PTPRU: variants seen among roughly 807,000 people sequenced by gnomAD.
The protein encoded by PTPRU is receptor-type tyrosine-protein phosphatase U.
Under a neutral mutation model 166.3 loss-of-function variants are expected in PTPRU, and 69 were observed. The ratio of observed to expected loss-of-function variants is 0.41; its 90% CI spans 0.34 to 0.51. The LOEUF is 0.51. Among genes scored for constraint, PTPRU ranks in the 20% least tolerant of loss-of-function variants. The pLI, the probability that PTPRU is intolerant of heterozygous loss-of-function variation, is 0.09. For synonymous variants in PTPRU, 793 were observed against 814.0 expected, an observed-to-expected ratio of 0.97 and a Z score of 0.44; for missense variants, 1,657 against 2,013.7, an observed-to-expected ratio of 0.82 and a Z score of 3.39.
chr1:29,279,132 G>A lies in PTPRU; in HGVS notation c.1563+11G>A. The A allele has an allele frequency of 6.4e-7, 1 of 1,553,388 alleles. No homozygotes were observed. The highest frequency in any genetic ancestry group is 8.7e-7 in the Non-Finnish European group (1 of 1,145,466). ...ATCACCCAGTATGAGGTGGGTTTGG[G>A]ACCCTATTACAGTGGGGGACCCTGG... On this transcript the variant is annotated intron_variant, in intron 9 of 29. Coordinates refer to ENST00000373779, the MANE Select transcript of PTPRU (RefSeq NM_133178.4). The surrounding 1 kb of genome is among the most constrained non-coding windows in gnomAD (Gnocchi z 5.2).
At chr1:29,314,166 G>T (rs1260674712) in intron 22 of PTPRU, among the ~76,000 whole-genome samples, 2 of 152,158 alleles carry the variant, frequency 1.3e-5, no homozygotes, top group East Asian at 3.8e-4. Flanking sequence ...TAGGCATTTG[G>T]GTTGTTTCCA....
At position 29,258,682 on chromosome 1, in the gene PTPRU, T is replaced by C. The variant is rs1485779400; in HGVS notation, c.383T>C (p.Leu128Pro). ...GVYVRVNGGPLGSAVWNMTGS... is the reference protein window; with the variant it reads ...GVYVRVNGGPPGSAVWNMTGS... ...TACGTGCGCGTTAATGGGGGCCCCC[T>C]GGGCAGTGCTGTGTGGAATATGACT... Residue 128 changes from leucine (L) to proline (P), a missense_variant, in exon 3 of 30, where the codon CTG becomes CCG. Physicochemically the swap from Leu to Pro is moderately conservative, Grantham distance 98 (BLOSUM62 -3). This residue lies in a region of PTPRU where 453 missense variants were observed against 496.9 expected (regional missense o/e 0.91). Coordinates refer to ENST00000373779, the MANE Select transcript of PTPRU (RefSeq NM_133178.4). The C allele has an allele frequency of 6.2e-7, 1 of 1,614,104 alleles. No individual in the cohort carries two copies. Among genetic ancestry groups the C allele is most frequent in the Non-Finnish European group, 8.5e-7 (1 of 1,179,964 alleles).
Position 29,277,803 on chromosome 1 carries a change from C to CTTTTTTTTTTTTTT in PTPRU, c.1454-1189_1454-1176dup, listed in dbSNP as rs71586898. The stretch of plus-strand genomic sequence containing the variant: ...ACCATCTGGCTTCACAGTTGTCATT[C>CTTTTTTTTTTTTTT]TTTTTTTTTTTTTTTTTTTTTTTTT... On this transcript the variant is annotated intron_variant, in intron 8 of 29. Transcript: ENST00000373779. Among the ~76,000 whole-genome samples, 213 of 50,590 alleles carry CTTTTTTTTTTTTTT rather than the reference C, an allele frequency of 4.2e-3. 46 individuals carry two copies. The highest frequency in any genetic ancestry group is 5.7e-3 in the Non-Finnish European group (174 of 30,354). 33.2% of individuals were successfully genotyped at this position (50,590 alleles called of 152,430 possible).
At chr1:29,239,783 C>G (rs193193305) in intron 1 of PTPRU, among the ~76,000 whole-genome samples, 116 of 152,184 alleles carry the variant, frequency 7.6e-4, no homozygotes, top group African/African-American at 2.7e-3. Context: ...TCCTTCTGTC[C>G]GTCCTCAGCT....
In PTPRU at chr1:29,279,532, G is replaced by A. The variant is rs370694990; in HGVS notation, c.1640G>A (p.Arg547His). The A allele has an allele frequency of 9.9e-6, 16 of 1,613,988 alleles. No homozygotes were observed. The highest frequency in any genetic ancestry group is 3.3e-5 in the Admixed American group (2 of 59,986). The change falls in exon 10 of 30, where the codon CGC becomes CAC. Residue 547 changes from arginine to histidine, a missense_variant. Arg to His is a conservative substitution (Grantham distance 29). Coordinates refer to ENST00000373779, the MANE Select transcript of PTPRU (RefSeq NM_133178.4). The surrounding 1 kb of genome is among the most constrained non-coding windows in gnomAD (Gnocchi z 5.2). ...PGPRRTISKLRNETYHVFSNL... is the reference protein window; with the variant it reads ...PGPRRTISKLHNETYHVFSNL... Reference sequence around the variant, plus strand: ...CCACGACGTACCATCTCCAAGCTCCGCAATGAGACCTACCATGTCTTCTCC... The same window carrying A: ...CCACGACGTACCATCTCCAAGCTCCACAATGAGACCTACCATGTCTTCTCC...
In PTPRU at chr1:29,281,682, G is replaced by A. The variant is rs139657263; in HGVS notation, c.1869-994G>A. Among the ~76,000 whole-genome samples the A allele has an allele frequency of 9.5e-4, 145 of 152,324 alleles. 1 individual carries two copies. Among genetic ancestry groups the A allele is most frequent in the African/African-American group, 3.3e-3 (137 of 41,562 alleles). On this transcript the variant is annotated intron_variant, in intron 11 of 29. Coordinates refer to ENST00000373779, the MANE Select transcript of PTPRU (RefSeq NM_133178.4). ...CCTGGGGCAATGGAGGCTGAAAGGG[G>A]CTTGGACTGGTGTTTATAATGGGCT...
chr1:29,250,026 C>T lies in PTPRU; in HGVS notation c.74-5249C>T, dbSNP rs528469331. Reference sequence around the variant, plus strand: ...GCCCTGGACAAACTGTGTTTATTGACCACCTTGCTTTGCTCCCCTGGGTCT... The same window carrying T: ...GCCCTGGACAAACTGTGTTTATTGATCACCTTGCTTTGCTCCCCTGGGTCT... On this transcript the variant is annotated intron_variant, in intron 1 of 29. Transcript: ENST00000373779. Among the ~76,000 whole-genome samples the T allele has an allele frequency of 2.0e-3, 296 of 148,264 alleles. 1 individual carries two copies. Among genetic ancestry groups the T allele is most frequent in the Non-Finnish European group, 3.6e-3 (239 of 67,146 alleles).
rs188982378 is a variant in PTPRU, at chr1:29,311,560, C to T, written c.2955+7C>T. 15 of 1,614,040 alleles carry T rather than the reference C, an allele frequency of 9.3e-6. No individual in the cohort carries two copies. Among genetic ancestry groups the T allele is most frequent in the African/African-American group, 4.0e-5 (3 of 74,926 alleles). The stretch of plus-strand genomic sequence containing the variant: ...GCTGGTCGAGGTGGGCAGGGTAAGC[C>T]GGGCTGTGGGGCGAGCTGGGGCGCA... On this transcript the variant is annotated splice_region_variant and intron_variant, in intron 20 of 29. Coordinates refer to ENST00000373779, the MANE Select transcript of PTPRU (RefSeq NM_133178.4). This position sits in a 1 kb window ranked among gnomAD's most constrained non-coding sequence, Gnocchi z 4.1.
At position 29,320,718 on chromosome 1, in the gene PTPRU, C is replaced by A; in HGVS notation, c.3721C>A (p.Leu1241Met). The change falls in exon 26 of 30, where the codon CTG becomes ATG. Residue 1241 changes from leucine (L) to methionine (M), a missense_variant. Leu to Met is a conservative substitution (Grantham distance 15, BLOSUM62 2). Transcript: ENST00000373779. This position sits in a 1 kb window ranked among gnomAD's most constrained non-coding sequence, Gnocchi z 5.2. ...YTRSAAFIVT[L>M]HPLQSTTPDF... ...ACGGAGTGCGGCCTTCATCGTGACC[C>A]TGCACCCGCTGCAGAGCACCACGCC... The A allele has an allele frequency of 1.2e-6, 2 of 1,606,722 alleles. No homozygotes were observed. Among genetic ancestry groups the A allele is most frequent in the Non-Finnish European group, 8.5e-7 (1 of 1,174,470 alleles).
chr1:29,239,666 C>T (rs552154416), intron 1 of PTPRU, among the ~76,000 whole-genome samples: 5 of 152,186 alleles, frequency 3.3e-5, no homozygotes, highest in Admixed American at 6.5e-5. Flanking sequence ...GCCAGAGTTG[C>T]AGGGGGTACC....
At chr1:29,247,298 G>C (rs1353098644) in intron 1 of PTPRU, among the ~76,000 whole-genome samples, 1 of 152,248 alleles carries the variant, frequency 6.6e-6, no homozygotes, top group Non-Finnish European at 1.5e-5. Context: ...TGCCCATGAT[G>C]GATGTGGCAC....
Position 29,320,868 on chromosome 1 carries a change from G to T in PTPRU, c.3828+43G>T. 1.3e-6 allele frequency: 2 copies of T among 1,501,792 alleles called. No homozygotes were observed. Among genetic ancestry groups the T allele is most frequent in the Non-Finnish European group, 1.8e-6 (2 of 1,117,154 alleles). The allele number at this position is 1,501,792 out of a possible 1,614,324, so 93.0% of individuals were successfully genotyped here. A position where few individuals can be genotyped will look rare whatever the true frequency, so the allele number is the denominator to read the frequency against. ...CAGGCCAATGGGCCGCCTGCTCCCA[G>T]GTCCTCTGTGTATTCAGGGCCATGG... On this transcript the variant is annotated intron_variant, in intron 26 of 29. Transcript: ENST00000373779. This position sits in a 1 kb window ranked among gnomAD's most constrained non-coding sequence, Gnocchi z 5.2.
rs1684963314 is a variant in PTPRU at position 29,259,871 on chromosome 1, G to A, written c.677G>A (p.Arg226Gln). Residue 226 changes from arginine to glutamine, a missense_variant and splice_region_variant, in exon 6 of 30, where the codon CGG becomes CAG. This residue lies in a region of PTPRU where 453 missense variants were observed against 496.9 expected (regional missense o/e 0.91). Transcript: ENST00000373779. ...ACCCCCTCACTCTCTTCCCTGCAGC[G>A]GCAGAGCGGGGCGCTGGTGCCGGCG... Reference protein sequence around the residue: ...AAEAERFLLQRQSGALVPAAG... With the variant: ...AAEAERFLLQQQSGALVPAAG... 2 of 1,529,716 alleles carry A rather than the reference G, an allele frequency of 1.3e-6. No homozygotes were observed. The highest frequency in any genetic ancestry group is 8.7e-7 in the Non-Finnish European group (1 of 1,144,582). 94.8% of individuals were successfully genotyped at this position (1,529,716 alleles called of 1,614,324 possible).
chr1:29,258,972 GC>G (rs995627260), intron 3 of PTPRU, among the ~76,000 whole-genome samples, 196 bp downstream of exon 3: 3 of 152,198 alleles, frequency 2.0e-5, no homozygotes, highest in African/African-American at 7.2e-5. Context: ...CCTAGGAATA[GC>G]CTCTGGCCCA....
At chr1:29,261,227 C>G (rs78109415) in intron 7 of PTPRU, among the ~76,000 whole-genome samples, 3,958 of 152,312 alleles carry the variant, frequency 0.026, 168 homozygotes, top group African/African-American at 0.09. Flanking sequence ...CAAGAGCACA[C>G]AGCTAGTAAG....
chr1:29,284,981 G>T, intron 14 of PTPRU, 112 bp downstream of exon 14: 1 of 1,389,894 alleles, frequency 7.2e-7, no homozygotes, highest in Non-Finnish European at 9.7e-7. Flanking sequence ...CAGGTGTGTG[G>T]AGGGCTGCCA....
At chr1:29,258,884 C>G (rs141730864) in intron 3 of PTPRU, 108 bp downstream of exon 3, 1 of 1,451,616 alleles carries the variant, frequency 6.9e-7, no homozygotes, top group African/African-American at 1.4e-5. Flanking sequence ...TGTCTGCATT[C>G]AGTATCAGAG....
At chr1:29,281,602 A>G (rs1686085467) in intron 11 of PTPRU, among the ~76,000 whole-genome samples, 1 of 152,192 alleles carries the variant, frequency 6.6e-6, no homozygotes, top group African/African-American at 2.4e-5. Context: ...GTTCATGGCT[A>G]ATGTTAATGA....
In PTPRU at chr1:29,275,593, C is replaced by A. The variant is rs534838486; in HGVS notation, c.1290C>A (p.Ser430Arg). ...GCTATCACTACACCCTGGGCAGCAG[C>A]CACAACCAGACCATCCGAGAGTGTG... ...SLCYHYTLGS[S>R]HNQTIRECVK... The change falls in exon 8 of 30, where the codon AGC becomes AGA. Residue 430 changes from serine (S) to arginine (R), a missense_variant. Physicochemically the swap from Ser to Arg is moderately radical, Grantham distance 110 (BLOSUM62 -1). Around this residue, in one of 3 missense-constraint regions of PTPRU, gnomAD observed 1,190 missense variants for 1,477.4 expected, o/e 0.81. Transcript: ENST00000373779. The A allele has an allele frequency of 1.2e-5, 19 of 1,614,180 alleles. No individual in the cohort carries two copies. Among genetic ancestry groups the A allele is most frequent in the African/African-American group, 2.7e-5 (2 of 75,038 alleles).
Sources: allele counts gnomAD v4.1 joint callset (sites outside exome capture counted in the v4.1 genomes callset), GRCh38; gene constraint gnomAD v4.1.1; regional missense constraint gnomAD v4.1.1; non-coding constraint Gnocchi (gnomAD v3.1); transcripts MANE v1.5; gene names NCBI Gene and HGNC (gene_info 2026-07-23, HGNC 2026-07-21).